The following CELF2 variants were observed in gnomAD, a reference collection of about 807,000 sequenced individuals.
CELF2 encodes the protein CUG triplet repeat RNA-binding protein 2.
In CELF2, 8 loss-of-function variants were observed where a neutral mutation model predicts 62.6. That is an observed-to-expected ratio of 0.13 (90% confidence interval 0.07 to 0.23). CELF2 has a LOEUF of 0.23. Among genes scored for constraint, CELF2 ranks in the 10% least tolerant of loss-of-function variants. The probability of loss-of-function intolerance (pLI) is 1.00; values close to 1 mark genes in which losing one functional copy is unlikely to be tolerated. For synonymous variants in CELF2, 258 were observed against 250.0 expected, an observed-to-expected ratio of 1.03 and a Z score of -0.30; for missense variants, 333 against 671.0, an observed-to-expected ratio of 0.50 and a Z score of 5.56.
At chr10:11,198,452 T>C (rs1489273958) in intron 2 of CELF2, among the ~76,000 whole-genome samples, 1 of 152,240 alleles carries the variant, frequency 6.6e-6, no homozygotes. Context: ...TGCCAACATC[T>C]TTTTCTGTTT....
intron 1 of CELF2, chr10:11,097,246 G>C (rs560619244): frequency 6.6e-6 from 1 of 152,298 alleles, no homozygotes; most frequent in South Asian, 2.1e-4. Context: ...GATAACATAG[G>C]AGAGGTATTT....
the CELF2 span, among the ~76,000 whole-genome samples, chr10:10,699,936 TCTACGTA>T: frequency 6.6e-6 from 1 of 152,186 alleles, no homozygotes; most frequent in African/African-American, 2.4e-5. Context: ...ACTGCTCTAA[TCTACGTA>T]GAAGCAGCAG....
At chr10:10,862,173 C>T (rs931256135) in intron 1 of CELF2, among the ~76,000 whole-genome samples, 3 of 152,152 alleles carry the variant, frequency 2.0e-5, no homozygotes, top group Non-Finnish European at 2.9e-5. Flanking sequence ...GTTCATGTGT[C>T]TTGGTTACTG....
chr10:11,288,934 A>T (rs1199753975), intron 9 of CELF2, among the ~76,000 whole-genome samples: 1 of 152,200 alleles, frequency 6.6e-6, no homozygotes, highest in Non-Finnish European at 1.5e-5. Flanking sequence ...ATTCTGTTTC[A>T]AAATTCCTAG....
At chr10:10,484,621 A>G in the CELF2 span, among the ~76,000 whole-genome samples, 1 of 151,730 alleles carries the variant, frequency 6.6e-6, no homozygotes, top group African/African-American at 2.4e-5. Context: ...CCTGCCAGAG[A>G]GCTTTTCAAC....
At chr10:11,022,563 A>G (rs1393255496) in intron 1 of CELF2, among the ~76,000 whole-genome samples, 6 of 152,096 alleles carry the variant, frequency 3.9e-5, no homozygotes, top group East Asian at 1.9e-4. Context: ...TGACAGCTAC[A>G]ATAACACTGT....
At chr10:10,614,902 C>G in the CELF2 span, among the ~76,000 whole-genome samples, 2 of 151,980 alleles carry the variant, frequency 1.3e-5, no homozygotes, top group Admixed American at 1.3e-4. Context: ...TCCCAAGACA[C>G]AACTTGTCTA....
At chr10:11,040,859 C>T (rs1004603825) in intron 1 of CELF2, among the ~76,000 whole-genome samples, 1 of 152,072 alleles carries the variant, frequency 6.6e-6, no homozygotes, top group Admixed American at 6.6e-5. Flanking sequence ...TTATTCAGGG[C>T]TGCATTAAGC....
At chr10:10,873,843 T>C (rs758878465) in intron 1 of CELF2, among the ~76,000 whole-genome samples, 1 of 152,174 alleles carries the variant, frequency 6.6e-6, no homozygotes, top group Admixed American at 6.5e-5. Context: ...TCCAGCCTTC[T>C]TTCTGGGGGT....
intron 7 of CELF2, 134 bp from the exon 8 acceptor site, chr10:11,274,923 G>T: frequency 1.3e-6 from 1 of 758,206 alleles, no homozygotes; most frequent in Non-Finnish European, 2.4e-6. Flanking sequence ...CCCAGCTCTG[G>T]GGACCTTCAG....
chr10:10,627,719 C>T, the CELF2 span, among the ~76,000 whole-genome samples: 1 of 152,300 alleles, frequency 6.6e-6, no homozygotes, highest in South Asian at 2.1e-4. Flanking sequence ...CCCCTCCTGG[C>T]TCTTTTGAGC....
the CELF2 span, among the ~76,000 whole-genome samples, chr10:10,667,870 T>C: frequency 6.6e-6 from 1 of 152,184 alleles, no homozygotes; most frequent in African/African-American, 2.4e-5. Flanking sequence ...TTGCAGCTTT[T>C]TACCATGCAA....
intron 1 of CELF2, among the ~76,000 whole-genome samples, chr10:11,127,437 T>C (rs55855706): frequency 0.07 from 10,601 of 152,304 alleles, 424 homozygotes; most frequent in Non-Finnish European, 0.09. Context: ...TCAAATGGTA[T>C]TTCTAGTTCT....
chr10:10,579,700 A>G, the CELF2 span, among the ~76,000 whole-genome samples: 3 of 152,182 alleles, frequency 2.0e-5, no homozygotes, highest in Admixed American at 6.5e-5. Context: ...TTGGTATCAT[A>G]TTGTTATCTT....
the CELF2 span, among the ~76,000 whole-genome samples, chr10:10,621,113 G>T: frequency 1.8e-4 from 27 of 149,206 alleles, no homozygotes; most frequent in East Asian, 5.1e-3. Flanking sequence ...GCATGGTGGC[G>T]GGCGCCTGTA....
intron 1 of CELF2, among the ~76,000 whole-genome samples, chr10:11,122,990 G>A (rs973618175): frequency 1.4e-4 from 22 of 152,116 alleles, no homozygotes; most frequent in Admixed American, 3.3e-4. Context: ...CTGGGAGTAC[G>A]GTTTATAGTT....
chr10:10,585,267 A>G, the CELF2 span, among the ~76,000 whole-genome samples: 3 of 152,188 alleles, frequency 2.0e-5, no homozygotes, highest in African/African-American at 4.8e-5. Context: ...GGAATTCTCA[A>G]TAGAGCAAAA....
chr10:10,974,372 G>A (rs1437495988), intron 2 of CELF2, among the ~76,000 whole-genome samples: 1 of 152,114 alleles, frequency 6.6e-6, no homozygotes, highest in Non-Finnish European at 1.5e-5. Context: ...CTCTCTAACT[G>A]TAGTTAGAGA....
chr10:11,144,900 G>GAAAAAA lies in CELF2; in HGVS notation c.75-20568_75-20563dup, dbSNP rs397846995. Among the ~76,000 whole-genome samples, 141 of 73,728 alleles carry GAAAAAA rather than the reference G, an allele frequency of 1.9e-3. 1 individual carries two copies. The highest frequency in any genetic ancestry group is 0.011 in the Middle Eastern group (1 of 88). 48.4% of individuals were successfully genotyped at this position (73,728 alleles called of 152,430 possible). On this transcript the variant is annotated intron_variant, in intron 1 of 12. Transcript: ENST00000633077. ...GAGGGAGACCCTGTCTCAGGAAACA[G>GAAAAAA]AAAAAAAAAAAAAAAAAAAAAAAGG...
Sources: allele counts gnomAD v4.1 joint callset (sites outside exome capture counted in the v4.1 genomes callset), GRCh38; gene constraint gnomAD v4.1.1; transcripts MANE v1.5; gene names NCBI Gene and HGNC (gene_info 2026-07-23, HGNC 2026-07-21).